FBXL7: variants seen among roughly 807,000 people sequenced by gnomAD.
The protein encoded by FBXL7 is F-box and leucine rich repeat protein 7.
Under a neutral mutation model 38.3 loss-of-function variants are expected in FBXL7, and 12 were observed. That is an observed-to-expected ratio of 0.31 (90% confidence interval 0.20 to 0.51). The LOEUF is 0.51. Among genes scored for constraint, FBXL7 ranks in the 20% least tolerant of loss-of-function variants. The pLI is 0.98. For synonymous variants in FBXL7, 297 were observed against 300.9 expected (o/e 0.99, Z 0.13); for missense variants, 567 against 676.4 (o/e 0.84, Z 1.79).
chr5:15,783,367 C>T (rs1394882381), intron 2 of FBXL7, among the ~76,000 whole-genome samples: 50 of 152,014 alleles, frequency 3.3e-4, no homozygotes, highest in Admixed American at 3.1e-3. Context: ...GACACTGAGA[C>T]GAGATGCCTA....
At chr5:15,800,008 A>G (rs1737520720) in intron 2 of FBXL7, among the ~76,000 whole-genome samples, 1 of 152,186 alleles carries the variant, frequency 6.6e-6, no homozygotes, top group Non-Finnish European at 1.5e-5. Context: ...GCGGTCAGGA[A>G]ACAGTGATTT....
At chr5:15,783,953 T>G (rs1170023012) in intron 2 of FBXL7, among the ~76,000 whole-genome samples, 1 of 152,146 alleles carries the variant, frequency 6.6e-6, no homozygotes, top group African/African-American at 2.4e-5. Context: ...ATGTGGGGCA[T>G]GATGAATGAC....
intron 1 of FBXL7, among the ~76,000 whole-genome samples, chr5:15,583,105 A>C (rs540979283): frequency 7.0e-4 from 107 of 152,300 alleles, no homozygotes; most frequent in African/African-American, 2.5e-3. Flanking sequence ...GGAAGCAGGC[A>C]TGTCTTACAT....
chr5:15,754,014 C>T (rs999476972), intron 2 of FBXL7, among the ~76,000 whole-genome samples: 1 of 152,186 alleles, frequency 6.6e-6, no homozygotes, highest in African/African-American at 2.4e-5. Context: ...TGGATTAATT[C>T]AATCAGTGGT....
intron 2 of FBXL7, among the ~76,000 whole-genome samples, chr5:15,738,772 C>T (rs1006951238): frequency 2.0e-5 from 3 of 152,194 alleles, no homozygotes; most frequent in Non-Finnish European, 2.9e-5. Context: ...ATGGCAGTGT[C>T]GTTATTCAAG....
intron 2 of FBXL7, among the ~76,000 whole-genome samples, chr5:15,832,882 A>G (rs1350121822): frequency 6.6e-6 from 1 of 151,960 alleles, no homozygotes; most frequent in African/African-American, 2.4e-5. Flanking sequence ...CAATTCCCAC[A>G]TGTTGTGGAA....
Position 15,853,909 on chromosome 5 carries a change from A to G in FBXL7, c.128-73981A>G, listed in dbSNP as rs543963664. Among the ~76,000 whole-genome samples the G allele has an allele frequency of 2.1e-4, 32 of 152,272 alleles. No homozygotes were observed. In the South Asian group the frequency reaches 6.6e-3, roughly 32 times the overall value. ...AATTCCACATTTATAATAATTGGCT[A>G]TCTTCTTGAATGACATATGGATATT... On this transcript the variant is annotated intron_variant, in intron 2 of 3. Transcript: ENST00000504595.
chr5:15,750,675 C>G (rs1448334456), intron 2 of FBXL7, among the ~76,000 whole-genome samples: 3 of 151,946 alleles, frequency 2.0e-5, no homozygotes, highest in Middle Eastern at 6.8e-3. Flanking sequence ...CAAAAGGTTG[C>G]TTGTGCATTT....
At chr5:15,501,412 C>T (rs947325164) in intron 1 of FBXL7, 1 of 985,460 alleles carries the variant, frequency 1.0e-6, no homozygotes, top group Non-Finnish European at 1.2e-6. Flanking sequence ...CTTCTCCCTT[C>T]TCTCTCCTAC....
At chr5:15,919,775 CT>C (rs1325888877) in intron 2 of FBXL7, among the ~76,000 whole-genome samples, 1 of 152,146 alleles carries the variant, frequency 6.6e-6, no homozygotes, top group Non-Finnish European at 1.5e-5. Context: ...TGAAAACTGA[CT>C]TTTTTCTCAG....
At chr5:15,783,721 G>A (rs1204867857) in intron 2 of FBXL7, among the ~76,000 whole-genome samples, 1 of 152,202 alleles carries the variant, frequency 6.6e-6, no homozygotes, top group Non-Finnish European at 1.5e-5. Flanking sequence ...CAGTTAAGGT[G>A]TAGAGGTGAA....
intron 2 of FBXL7, among the ~76,000 whole-genome samples, chr5:15,927,457 A>T (rs1215642603): frequency 6.6e-6 from 1 of 152,166 alleles, no homozygotes; most frequent in Non-Finnish European, 1.5e-5. Flanking sequence ...TGTTGCCCCC[A>T]TGAATGTTTT....
At chr5:15,779,358 G>C (rs1158537524) in intron 2 of FBXL7, among the ~76,000 whole-genome samples, 1 of 152,048 alleles carries the variant, frequency 6.6e-6, no homozygotes, top group Non-Finnish European at 1.5e-5. Flanking sequence ...ATGTTCCAAA[G>C]ATAAAGAAAA....
At chr5:15,736,805 T>C (rs76674554) in intron 2 of FBXL7, among the ~76,000 whole-genome samples, 111 of 152,318 alleles carry the variant, frequency 7.3e-4, no homozygotes, top group Non-Finnish European at 1.2e-3. Flanking sequence ...CGCTGCTGTC[T>C]GATGGGATAT....
intron 2 of FBXL7, among the ~76,000 whole-genome samples, chr5:15,824,426 CA>C (rs1215900710): frequency 2.6e-5 from 4 of 152,056 alleles, no homozygotes; most frequent in Non-Finnish European, 4.4e-5. Flanking sequence ...CTTCCCGGCC[CA>C]GTCTGTGATG....
intron 1 of FBXL7, among the ~76,000 whole-genome samples, chr5:15,559,836 C>G (rs1405603266): frequency 6.6e-6 from 1 of 152,318 alleles, no homozygotes; most frequent in Non-Finnish European, 1.5e-5. Flanking sequence ...TAGTGTAATG[C>G]AAGGCACCAT....
At chr5:15,520,614 G>A (rs577219666) in intron 1 of FBXL7, among the ~76,000 whole-genome samples, 3 of 152,116 alleles carry the variant, frequency 2.0e-5, no homozygotes, top group East Asian at 3.9e-4. Context: ...TTCCAAAATC[G>A]AAAAAGATAG....
intron 2 of FBXL7, among the ~76,000 whole-genome samples, chr5:15,727,095 GA>G (rs1561101860): frequency 6.6e-6 from 1 of 151,956 alleles, no homozygotes; most frequent in Non-Finnish European, 1.5e-5. Flanking sequence ...AATAACATAC[GA>G]AAACTCTGCT....
intron 2 of FBXL7, among the ~76,000 whole-genome samples, chr5:15,799,446 C>G (rs1737502351): frequency 6.7e-6 from 1 of 149,562 alleles, no homozygotes; most frequent in South Asian, 2.1e-4. Flanking sequence ...ACCTCAACCT[C>G]CGCCTCCTGG....
Sources: allele counts gnomAD v4.1 joint callset (sites outside exome capture counted in the v4.1 genomes callset), GRCh38; gene constraint gnomAD v4.1.1; transcripts MANE v1.5; gene names NCBI Gene and HGNC (gene_info 2026-07-23, HGNC 2026-07-21).